Variants in TBC1D24 observed in about 807,000 individuals in gnomAD.
The protein encoded by TBC1D24 is TBC1 domain family member 24.
A neutral mutation model predicts 50.7 loss-of-function variants in TBC1D24; 47 were observed. The ratio of observed to expected loss-of-function variants is 0.93; its 90% CI spans 0.73 to 1.18. The LOEUF is 1.18. Among genes scored for constraint, TBC1D24 ranks in the 50% most tolerant of loss-of-function variants. TBC1D24 has a pLI of 0.00. For missense variants in TBC1D24, 688 were observed against 766.5 expected (o/e 0.90, Z 1.21); for synonymous variants, 324 against 335.2 (o/e 0.97, Z 0.36).
At chr16:2,492,715 C>T (rs986553801) in intron 1 of TBC1D24, among the ~76,000 whole-genome samples, 2 of 152,204 alleles carry the variant, frequency 1.3e-5, no homozygotes, top group Admixed American at 6.5e-5. Context: ...GCCTTCCCTC[C>T]CAGGACGAAG....
chr16:2,494,076 T>C (rs2065717666), intron 1 of TBC1D24, among the ~76,000 whole-genome samples: 1 of 152,194 alleles, frequency 6.6e-6, no homozygotes, highest in South Asian at 2.1e-4. Context: ...CAGGGTGGGA[T>C]AGCATAGGCT....
In TBC1D24 at chr16:2,496,092, G is replaced by A. The variant is rs1354696207; in HGVS notation, c.-57G>A. On this transcript the variant is annotated 5_prime_UTR_variant, in exon 2 of 8. It removes the in-frame stop codon of an upstream open reading frame in the 5' UTR. Transcript: ENST00000646147. ...CTCAGAAAGGGGGCTGGAGGATTTA[G>A]CCACTCTGTCCTCCCCTTCCGGCAG... 3.7e-6 allele frequency: 6 copies of A among 1,606,362 alleles called. No individual in the cohort carries two copies. Among genetic ancestry groups the A allele is most frequent in the Non-Finnish European group, 5.1e-6 (6 of 1,175,656 alleles).
rs774088745 is a variant in TBC1D24 at position 2,500,270 on chromosome 16, G to C, written c.1305G>C (p.Leu435=). The C allele has an allele frequency of 2.5e-5, 40 of 1,601,436 alleles. No homozygotes were observed. The South Asian group carries it at 4.3e-4, about 17-fold the overall frequency. ...CTCACACTCCCCTTCCACCCCAGCT[G>C]CAGCCTGAGGTGCAGCGCTACGAGT... ...FGTGECFVFR[L]QPEVQRYEWV... Residue 435 remains leucine (L), a splice_region_variant and synonymous_variant, in exon 7 of 8, where the codon CTG becomes CTC. Coordinates refer to ENST00000646147, the MANE Select transcript of TBC1D24 (RefSeq NM_001199107.2). The surrounding 1 kb of genome is among the most constrained non-coding windows in gnomAD (Gnocchi z 8.0).
chr16:2,493,112 A>T (rs1455853207), intron 1 of TBC1D24, among the ~76,000 whole-genome samples: 5 of 151,786 alleles, frequency 3.3e-5, no homozygotes, highest in East Asian at 2.0e-4. Context: ...AATAAATAAA[A>T]AATGGCTAAA....
At chr16:2,476,247 C>T (rs952689039) in intron 1 of TBC1D24, among the ~76,000 whole-genome samples, 6 of 152,170 alleles carry the variant, frequency 3.9e-5, no homozygotes, top group African/African-American at 1.2e-4. Flanking sequence ...ACAGTCTGTC[C>T]TCAGCACACA....
chr16:2,486,702 T>C lies in TBC1D24; in HGVS notation c.-115-9332T>C, dbSNP rs1463906680. 2.0e-5 allele frequency among the ~76,000 whole-genome samples: 3 copies of C among 152,236 alleles called. No homozygotes were observed. Among genetic ancestry groups the C allele is most frequent in the African/African-American group, 7.2e-5 (3 of 41,462 alleles). On this transcript the variant is annotated intron_variant, in intron 1 of 7. Transcript: ENST00000646147. This position sits in a 1 kb window ranked among gnomAD's most constrained non-coding sequence, Gnocchi z 5.8. ...GCTGTGGGCCTCATCCCCAGGGCTC[T>C]ACCTCCAGCCTGAGCTGCTCTGGCA...
In TBC1D24 at chr16:2,502,416, C is replaced by A. The variant is rs2065801488; in HGVS notation, c.*1458C>A. The A allele has an allele frequency of 1.3e-5, 2 of 152,312 alleles. No individual in the cohort carries two copies. Among genetic ancestry groups the A allele is most frequent in the Non-Finnish European group, 2.9e-5 (2 of 68,138 alleles). The allele number at this position is 152,312 out of a possible 1,614,324, so 9.4% of individuals were successfully genotyped here. On this transcript the variant is annotated 3_prime_UTR_variant, in exon 8 of 8. Transcript: ENST00000646147. ...CAGGTACCAGCAGTCCTGCCCCCAC[C>A]CCCGTCCCTGCTGGCCTCCAGCCAG...
At position 2,485,765 on chromosome 16, in the gene TBC1D24, C is replaced by G. The variant is rs1227633724; in HGVS notation, c.-115-10269C>G. Among the ~76,000 whole-genome samples, 2 of 152,194 alleles carry G rather than the reference C, an allele frequency of 1.3e-5. No homozygotes were observed. The highest frequency in any genetic ancestry group is 1.3e-4 in the Admixed American group (2 of 15,286). On this transcript the variant is annotated intron_variant, in intron 1 of 7. Coordinates refer to ENST00000646147, the MANE Select transcript of TBC1D24 (RefSeq NM_001199107.2). The surrounding 1 kb of genome is among the most constrained non-coding windows in gnomAD (Gnocchi z 4.6). ...ATGGATTGCTTGCTGCCGGGAGAAACCCCCGCATCTTCTGGGTCGCAGATC... is the reference window on the plus strand; with the variant it reads ...ATGGATTGCTTGCTGCCGGGAGAAAGCCCCGCATCTTCTGGGTCGCAGATC...
At chr16:2,488,931 G>A (rs546788178) in intron 1 of TBC1D24, among the ~76,000 whole-genome samples, 20 of 150,820 alleles carry the variant, frequency 1.3e-4, no homozygotes, top group Admixed American at 6.6e-5. Flanking sequence ...TTAGCTGAGC[G>A]TGGTGGCGCG....
chr16:2,482,630 G>A lies in TBC1D24; in HGVS notation c.-116+7460G>A, dbSNP rs770719938. On this transcript the variant is annotated intron_variant, in intron 1 of 7. Coordinates refer to ENST00000646147, the MANE Select transcript of TBC1D24 (RefSeq NM_001199107.2). The surrounding 1 kb of genome is among the most constrained non-coding windows in gnomAD (Gnocchi z 5.2). ...GGGTGGAGAACGGTGACCGGGTGAAGCCCTGAGTGGGCAGGAGGCTGGGAG... is the reference window on the plus strand; with the variant it reads ...GGGTGGAGAACGGTGACCGGGTGAAACCCTGAGTGGGCAGGAGGCTGGGAG... 2.6e-5 allele frequency among the ~76,000 whole-genome samples: 4 copies of A among 152,180 alleles called. No homozygotes were observed. Among genetic ancestry groups the A allele is most frequent in the Non-Finnish European group, 5.9e-5 (4 of 68,032 alleles).
At chr16:2,495,975 G>A (rs1376988736) in intron 1 of TBC1D24, 59 bp from the exon 2 acceptor site, 14 of 826,776 alleles carry the variant, frequency 1.7e-5, no homozygotes, top group South Asian at 3.5e-5. Context: ...GAAAAAATAC[G>A]TTCTTTAAAA....
At chr16:2,494,516 G>A (rs1404524051) in intron 1 of TBC1D24, among the ~76,000 whole-genome samples, 5 of 152,130 alleles carry the variant, frequency 3.3e-5, no homozygotes, top group African/African-American at 1.2e-4. Context: ...GCAGGGTGGT[G>A]TTTAGGAGCC....
intron 1 of TBC1D24, among the ~76,000 whole-genome samples, chr16:2,492,927 TAC>T (rs2065707363): frequency 6.6e-6 from 1 of 151,748 alleles, no homozygotes; most frequent in East Asian, 2.0e-4. Context: ...TCCCTGTCTC[TAC>T]TAAAAATACA....
rs2065769223 is a variant in TBC1D24, at chr16:2,499,163, G to A, written c.1143-194G>A. Among the ~76,000 whole-genome samples, 1 of 152,196 alleles carries A rather than the reference G, an allele frequency of 6.6e-6. No individual in the cohort carries two copies. The highest frequency in any genetic ancestry group is 1.5e-5 in the Non-Finnish European group (1 of 68,020). On this transcript the variant is annotated intron_variant, in intron 4 of 7. Coordinates refer to ENST00000646147, the MANE Select transcript of TBC1D24 (RefSeq NM_001199107.2). This position sits in a 1 kb window ranked among gnomAD's most constrained non-coding sequence, Gnocchi z 4.0. ...AAGGCCTCTCCCCTGAGTCACACCA[G>A]GGCAGGCTGTCCTGGGGATGGCAGA...
rs750341354 is a variant in TBC1D24 at position 2,500,952 on chromosome 16, C to T, written c.1674C>T (p.Thr558=). The part of the protein sequence containing the change: ...VEAWGFQDPD[T]Q ...CCTGGGGCTTCCAGGACCCTGACAC[C>T]CAGTGACGGCCTGTGCCACGGTGAC... Residue 558 remains threonine, a synonymous_variant, in exon 8 of 8, where the codon ACC becomes ACT. Coordinates refer to ENST00000646147, the MANE Select transcript of TBC1D24 (RefSeq NM_001199107.2). This position sits in a 1 kb window ranked among gnomAD's most constrained non-coding sequence, Gnocchi z 8.0. 3 of 1,610,488 alleles carry T rather than the reference C, an allele frequency of 1.9e-6. No individual in the cohort carries two copies. The highest frequency in any genetic ancestry group is 1.1e-5 in the South Asian group (1 of 91,074).
At position 2,486,484 on chromosome 16, in the gene TBC1D24, G is replaced by A. The variant is rs1179876016; in HGVS notation, c.-115-9550G>A. Among the ~76,000 whole-genome samples, 2 of 152,230 alleles carry A rather than the reference G, an allele frequency of 1.3e-5. No homozygotes were observed. The highest frequency in any genetic ancestry group is 1.5e-5 in the Non-Finnish European group (1 of 68,034). On this transcript the variant is annotated intron_variant, in intron 1 of 7. Coordinates refer to ENST00000646147, the MANE Select transcript of TBC1D24 (RefSeq NM_001199107.2). The surrounding 1 kb of genome is among the most constrained non-coding windows in gnomAD (Gnocchi z 5.8). Reference sequence around the variant, plus strand: ...TTGATAGCTTGTCAGCTGCTGGGACGGGGGCTGTTCTTGTGGCCAGGATGT... The same window carrying A: ...TTGATAGCTTGTCAGCTGCTGGGACAGGGGCTGTTCTTGTGGCCAGGATGT...
rs767090756 is a variant in TBC1D24 at position 2,485,003 on chromosome 16, C to T, written c.-116+9833C>T. On this transcript the variant is annotated intron_variant, in intron 1 of 7. Coordinates refer to ENST00000646147, the MANE Select transcript of TBC1D24 (RefSeq NM_001199107.2). This position sits in a 1 kb window ranked among gnomAD's most constrained non-coding sequence, Gnocchi z 4.6. ...CCCCTCATGCCTGCCATCCACACCC[C>T]GCTCCAGGTCTGCTTTTAGGCCCCA... is the stretch of plus-strand genomic sequence containing the variant. 1 of 152,200 alleles carries T rather than the reference C, an allele frequency of 6.6e-6. No homozygotes were observed. Among genetic ancestry groups the T allele is most frequent in the Non-Finnish European group, 1.5e-5 (1 of 68,014 alleles). The allele number at this position is 152,200 out of a possible 1,614,324, so 9.4% of individuals were successfully genotyped here.
In TBC1D24 at chr16:2,500,590, C is replaced by T; in HGVS notation, c.1525+100C>T. 2 of 1,372,900 alleles carry T rather than the reference C, an allele frequency of 1.5e-6. No homozygotes were observed. Among genetic ancestry groups the T allele is most frequent in the Non-Finnish European group, 2.0e-6 (2 of 1,013,482 alleles). The allele number at this position is 1,372,900 out of a possible 1,614,324, so 85.0% of individuals were successfully genotyped here. ...CCTGACCGGGGTGGCAGAGAAGAGG[C>T]CCTGGGTGTCAGGGTGGACCAGGCA... On this transcript the variant is annotated intron_variant, in intron 7 of 7. Coordinates refer to ENST00000646147, the MANE Select transcript of TBC1D24 (RefSeq NM_001199107.2). This position sits in a 1 kb window ranked among gnomAD's most constrained non-coding sequence, Gnocchi z 8.0.
chr16:2,499,984 C>G lies in TBC1D24; in HGVS notation c.1302+54C>G. On this transcript the variant is annotated intron_variant, in intron 6 of 7. Transcript: ENST00000646147. The surrounding 1 kb of genome is among the most constrained non-coding windows in gnomAD (Gnocchi z 4.0). ...CCACGCAGACCCTGTAGCTGCATCC[C>G]TCCAGGAGCACCCGCCTGCCCTGGG... is the stretch of plus-strand genomic sequence containing the variant. 6.5e-7 allele frequency: 1 copy of G among 1,528,332 alleles called. No homozygotes were observed. Among genetic ancestry groups the G allele is most frequent in the South Asian group, 1.1e-5 (1 of 89,460 alleles). The allele number at this position is 1,528,332 out of a possible 1,614,324, so 94.7% of individuals were successfully genotyped here. A position where few individuals can be genotyped will look rare whatever the true frequency, so the allele number is the denominator to read the frequency against.
Sources: gnomAD v4.1 joint callset for allele counts (sites outside exome capture counted in the v4.1 genomes callset) on GRCh38, gnomAD v4.1.1 for gene constraint, Gnocchi (gnomAD v3.1) non-coding constraint, MANE v1.5 for transcripts, NCBI Gene and HGNC (gene_info 2026-07-23, HGNC 2026-07-21) for gene names.